The following CHD5 variants were observed in gnomAD, a reference collection of about 807,000 sequenced individuals.
CHD5 encodes the protein chromodomain helicase DNA binding protein 5.
Under a neutral mutation model 230.3 loss-of-function variants are expected in CHD5, and 69 were observed. That is an observed-to-expected ratio of 0.30 (90% CI 0.25 to 0.37). CHD5 has a LOEUF of 0.37. CHD5 is among the 10% of genes least tolerant of loss of function. The pLI is 1.00. For synonymous variants in CHD5, 1,064 were observed against 1,065.9 expected (o/e 1.00, Z 0.03); for missense variants, 1,827 against 2,622.8 (o/e 0.70, Z 6.63).
rs576884536 is a variant in CHD5 at position 6,157,385 on chromosome 1, G to A, written c.388-1668C>T. On this transcript the variant is annotated intron_variant, in intron 3 of 41. Transcript: ENST00000262450. Reference sequence around the variant, plus strand: ...GCTCAGCCATGAGGGTGCCTGGCCTGAGCCCAACACTGCCACAGCAGAGGC... The same window carrying A: ...GCTCAGCCATGAGGGTGCCTGGCCTAAGCCCAACACTGCCACAGCAGAGGC... Among the ~76,000 whole-genome samples, 118 of 152,346 alleles carry A rather than the reference G, an allele frequency of 7.7e-4. 4 individuals carry two copies. The South Asian group carries it at 0.024, about 31-fold the overall frequency.
chr1:6,110,375 G>A lies in CHD5; in HGVS notation c.5382+19C>T, dbSNP rs1475485883. 1 of 1,613,766 alleles carries A rather than the reference G, an allele frequency of 6.2e-7. No individual in the cohort carries two copies. Among genetic ancestry groups the A allele is most frequent in the Non-Finnish European group, 8.5e-7 (1 of 1,179,948 alleles). The stretch of plus-strand genomic sequence containing the variant: ...GTCCCTCCCTGCCCCGTGCAGCCCT[G>A]GCCCTTCAGAAGACAGACCTTAAAC... On this transcript the variant is annotated intron_variant, in intron 37 of 41. Transcript: ENST00000262450.
Position 6,155,786 on chromosome 1 carries a change from C to T in CHD5, c.388-69G>A. 1 of 1,263,418 alleles carries T rather than the reference C, an allele frequency of 7.9e-7. No individual in the cohort carries two copies. The highest frequency in any genetic ancestry group is 2.3e-5 in the East Asian group (1 of 43,094). The allele number at this position is 1,263,418 out of a possible 1,614,324, so 78.3% of individuals were successfully genotyped here. On this transcript the variant is annotated intron_variant, in intron 3 of 41. Transcript: ENST00000262450. The surrounding 1 kb of genome is among the most constrained non-coding windows in gnomAD (Gnocchi z 4.0). ...TGACCTGCACCCCCATCCCCAGGGT[C>T]TCTGCCTAGGAGGCTTTGGCACAGG...
At chr1:6,111,950 G>A in intron 35 of CHD5, 67 bp from the exon 36 acceptor site, 4 of 1,487,866 alleles carry the variant, frequency 2.7e-6, no homozygotes, top group Non-Finnish European at 3.7e-6. Flanking sequence ...CAGGCTTGGA[G>A]AGCCGCTCCC....
In CHD5 at chr1:6,125,071, C is replaced by T. The variant is rs1285838177; in HGVS notation, c.4394+29G>A. 1 of 1,537,922 alleles carries T rather than the reference C, an allele frequency of 6.5e-7. No individual in the cohort carries two copies. The highest frequency in any genetic ancestry group is 8.8e-7 in the Non-Finnish European group (1 of 1,138,458). ...TGCCCTACTCAGGGGCAGGTGGTCA[C>T]ACCCTGGGCCACCACCTAGCCCCTT... On this transcript the variant is annotated intron_variant, in intron 29 of 41. Transcript: ENST00000262450. The surrounding 1 kb of genome is among the most constrained non-coding windows in gnomAD (Gnocchi z 6.7).
At chr1:6,174,839 A>G (rs1667396287) in intron 1 of CHD5, among the ~76,000 whole-genome samples, 1 of 148,328 alleles carries the variant, frequency 6.7e-6, no homozygotes, top group Admixed American at 6.7e-5. Context: ...GGATAAATGG[A>G]TGAATGGATG....
intron 36 of CHD5, 52 bp downstream of exon 36, chr1:6,111,723 G>T: frequency 6.9e-7 from 1 of 1,441,036 alleles, no homozygotes; most frequent in Non-Finnish European, 9.8e-7. Context: ...TCTCCCCGAG[G>T]TCCACGGAGG....
chr1:6,123,082 G>GAAGA (rs1003243895), intron 31 of CHD5, among the ~76,000 whole-genome samples: 3 of 151,608 alleles, frequency 2.0e-5, no homozygotes, highest in African/African-American at 7.3e-5. Context: ...AAAAAAAAAG[G>GAAGA]AAGAAAGAAA....
intron 38 of CHD5, among the ~76,000 whole-genome samples, chr1:6,107,058 GA>G (rs1666188509): frequency 2.2e-5 from 3 of 137,602 alleles, no homozygotes; most frequent in Admixed American, 2.1e-4. Flanking sequence ...AGGAATGATG[GA>G]GCGATGGAAG....
Position 6,128,115 on chromosome 1 carries a change from T to A in CHD5, c.3834A>T (p.Leu1278=). The change falls in exon 25 of 42, where the codon CTA becomes CTT. Residue 1278 remains leucine, a synonymous_variant. Transcript: ENST00000262450. This position sits in a 1 kb window ranked among gnomAD's most constrained non-coding sequence, Gnocchi z 7.8. The stretch of plus-strand genomic sequence containing the variant: ...AGCTCAGGTACTCGTTCATGTTCTG[T>A]AGCTCCGTGTCATCTGTAGCGTCCT... The part of the protein sequence containing the change: ...RNQDATDDTE[L]QNMNEYLSSF... 2 of 1,614,036 alleles carry A rather than the reference T, an allele frequency of 1.2e-6. No homozygotes were observed. The highest frequency in any genetic ancestry group is 1.7e-6 in the Non-Finnish European group (2 of 1,179,984).
chr1:6,170,292 C>T (rs1667316386), intron 1 of CHD5, among the ~76,000 whole-genome samples: 1 of 152,104 alleles, frequency 6.6e-6, no homozygotes, highest in African/African-American at 2.4e-5. Flanking sequence ...CACACAGGCC[C>T]CCACCGCCCG....
At chr1:6,110,222 G>A (rs1030742447) in intron 37 of CHD5, among the ~76,000 whole-genome samples, 172 bp downstream of exon 37, 4 of 151,622 alleles carry the variant, frequency 2.6e-5, no homozygotes, top group Admixed American at 6.6e-5. Flanking sequence ...TGGGGCCAGG[G>A]CCAGAGCAAG....
At chr1:6,160,025 C>T (rs1004874512) in intron 2 of CHD5, among the ~76,000 whole-genome samples, 1 of 151,802 alleles carries the variant, frequency 6.6e-6, no homozygotes, top group African/African-American at 2.4e-5. Flanking sequence ...AGAAGAAAAG[C>T]CCCAGCCAGG....
chr1:6,149,161 C>A, intron 8 of CHD5, 85 bp downstream of exon 8: 1 of 1,470,736 alleles, frequency 6.8e-7, no homozygotes, highest in East Asian at 2.5e-5. Context: ...CAGCATCTCC[C>A]CGCATTCTGC....
At position 6,128,170 on chromosome 1, in the gene CHD5, G is replaced by A. The variant is rs759818397; in HGVS notation, c.3779C>T (p.Ala1260Val). 5.5e-5 allele frequency: 89 copies of A among 1,613,998 alleles called. No individual in the cohort carries two copies. Among genetic ancestry groups the A allele is most frequent in the Non-Finnish European group, 7.2e-5 (85 of 1,180,006 alleles). The change falls in exon 25 of 42, where the codon GCG becomes GTG. Residue 1260 changes from alanine (A) to valine (V), a missense_variant. Ala to Val is a moderately conservative substitution (Grantham distance 64). Coordinates refer to ENST00000262450, the MANE Select transcript of CHD5 (RefSeq NM_015557.3). This position sits in a 1 kb window ranked among gnomAD's most constrained non-coding sequence, Gnocchi z 7.8. ...CCGGTCCAGCAGCTTGGAGATGGCC[G>A]CATCGTCATAGTGGATCACACTGCT... is the stretch of plus-strand genomic sequence containing the variant. ...EDSSVIHYDD[A>V]AISKLLDRNQ...
chr1:6,147,879 C>T (rs1228186118), intron 9 of CHD5, among the ~76,000 whole-genome samples: 3 of 152,088 alleles, frequency 2.0e-5, no homozygotes, highest in Non-Finnish European at 4.4e-5. Context: ...GCAGGAAAGG[C>T]TCCTCCACTG....
In CHD5 at chr1:6,101,962, G is replaced by T; in HGVS notation, c.*3512C>A. On this transcript the variant is annotated 3_prime_UTR_variant, in exon 42 of 42. Coordinates refer to ENST00000262450, the MANE Select transcript of CHD5 (RefSeq NM_015557.3). The stretch of plus-strand genomic sequence containing the variant: ...TTCCAAAGCTGGACCCGCCCCCGCC[G>T]GGGCCACCCTGGCTGGGACTCCTGG... The T allele has an allele frequency of 2.4e-6, 1 of 418,740 alleles. No homozygotes were observed. The allele number at this position is 418,740 out of a possible 1,614,324, so 25.9% of individuals were successfully genotyped here.
intron 15 of CHD5, among the ~76,000 whole-genome samples, chr1:6,137,129 A>G (rs929196762): frequency 1.3e-5 from 2 of 152,052 alleles, no homozygotes; most frequent in African/African-American, 4.8e-5. Context: ...CCAGTGAGAC[A>G]GTGTCTTACT....
At position 6,131,489 on chromosome 1, in the gene CHD5, A is replaced by T. The variant is rs1385710346; in HGVS notation, c.3262+142T>A. 1 of 558,348 alleles carries T rather than the reference A, an allele frequency of 1.8e-6. No individual in the cohort carries two copies. The highest frequency in any genetic ancestry group is 1.9e-5 in the African/African-American group (1 of 53,614). The allele number at this position is 558,348 out of a possible 1,614,324, so 34.6% of individuals were successfully genotyped here. ...ATGGGAGGAATCCTTTTAACATTGG[A>T]AACTCGGACTGGCCTGCTGTCTTTA... is the stretch of plus-strand genomic sequence containing the variant. On this transcript the variant is annotated intron_variant, in intron 21 of 41. Coordinates refer to ENST00000262450, the MANE Select transcript of CHD5 (RefSeq NM_015557.3). The surrounding 1 kb of genome is among the most constrained non-coding windows in gnomAD (Gnocchi z 5.0).
rs550095352 is a variant in CHD5, at chr1:6,106,846, G to A, written c.5579-67C>T. 5.1e-5 allele frequency: 61 copies of A among 1,201,342 alleles called. No individual in the cohort carries two copies. In the African/African-American group the frequency reaches 8.2e-4, roughly 16 times the overall value. The allele number at this position is 1,201,342 out of a possible 1,614,324, so 74.4% of individuals were successfully genotyped here. On this transcript the variant is annotated intron_variant, in intron 38 of 41. Coordinates refer to ENST00000262450, the MANE Select transcript of CHD5 (RefSeq NM_015557.3). ...GGGGTGGAGGGATGGAGGAGTGGAA[G>A]GATGGAGGGATGGAGGGGTGGAGGG...
Sources: gnomAD v4.1 joint callset for allele counts (sites outside exome capture counted in the v4.1 genomes callset) on GRCh38, gnomAD v4.1.1 for gene constraint, Gnocchi (gnomAD v3.1) non-coding constraint, MANE v1.5 for transcripts, NCBI Gene and HGNC (gene_info 2026-07-23, HGNC 2026-07-21) for gene names.